PCGF5: variants seen among roughly 807,000 people sequenced by gnomAD.
The protein encoded by PCGF5 is polycomb group RING finger protein 5.
Under a neutral mutation model 44.3 loss-of-function variants are expected in PCGF5, and 9 were observed. The ratio of observed to expected loss-of-function variants is 0.20; its 90% confidence interval spans 0.12 to 0.35. The LOEUF is 0.35. Ranked by LOEUF, PCGF5 falls within the 10% of genes least tolerant of loss-of-function variation. PCGF5 has a pLI of 1.00. For missense variants in PCGF5, 146 were observed against 305.3 expected (o/e 0.48, Z 3.89); for synonymous variants, 95 against 102.5 (o/e 0.93, Z 0.44).
At chr10:91,159,057 G>T (rs1843350056), upstream of PCGF5, among the ~76,000 whole-genome samples, 3 of 152,178 alleles carry the variant, frequency 2.0e-5, no homozygotes, top group African/African-American at 7.2e-5. Flanking sequence ...AGAGAAATTG[G>T]AGCTAGAAAG....
At chr10:91,176,616 A>G (rs563091845) in intron 1 of PCGF5, among the ~76,000 whole-genome samples, 2 of 152,146 alleles carry the variant, frequency 1.3e-5, no homozygotes, top group African/African-American at 4.8e-5. Flanking sequence ...ATTTCTTTTC[A>G]TTCTTTTTTC....
intron 8 of PCGF5, among the ~76,000 whole-genome samples, chr10:91,266,093 G>A (rs1296509978): frequency 6.6e-6 from 1 of 152,112 alleles, no homozygotes; most frequent in Non-Finnish European, 1.5e-5. Flanking sequence ...GATTGCACAG[G>A]TAGTAAATTC....
At chr10:91,164,381 T>A (rs1843458899) in intron 1 of PCGF5, among the ~76,000 whole-genome samples, 1 of 152,166 alleles carries the variant, frequency 6.6e-6, no homozygotes, top group Non-Finnish European at 1.5e-5. Context: ...TCGAAAGAGT[T>A]ACAAAATTCC....
Sources: allele counts gnomAD v4.1 joint callset (sites outside exome capture counted in the v4.1 genomes callset), GRCh38; gene constraint gnomAD v4.1.1; transcripts MANE v1.5; gene names NCBI Gene and HGNC (gene_info 2026-07-23, HGNC 2026-07-21).